ANKRD11: variants seen among roughly 807,000 people sequenced by gnomAD.
The protein encoded by ANKRD11 is ankyrin repeat domain 11.
In ANKRD11, 17 loss-of-function variants were observed where a neutral mutation model predicts 195.7. The observed-to-expected ratio is 0.09, with a 90% CI of 0.06 to 0.13. ANKRD11 has a LOEUF of 0.13. Among genes scored for constraint, ANKRD11 ranks in the 10% least tolerant of loss-of-function variants. ANKRD11 has a pLI of 1.00. For synonymous variants in ANKRD11, 1,953 were observed against 1,528.1 expected, an observed-to-expected ratio of 1.28 and a Z score of -6.49; for missense variants, 3,735 against 3,566.1, an observed-to-expected ratio of 1.05 and a Z score of -1.21.
intron 1 of ANKRD11, among the ~76,000 whole-genome samples, chr16:89,441,081 C>CA (rs2043438398): frequency 2.0e-5 from 3 of 151,602 alleles, no homozygotes; most frequent in Non-Finnish European, 2.9e-5. Flanking sequence ...ACTAAAAATA[C>CA]AAAAATTAGC....
chr16:89,401,796 G>A (rs1004530428), intron 2 of ANKRD11, among the ~76,000 whole-genome samples: 4 of 152,144 alleles, frequency 2.6e-5, no homozygotes, highest in Non-Finnish European at 4.4e-5. Context: ...CAGGGAGAAC[G>A]CTGGGTGAAG....
chr16:89,288,827 C>A, intron 6 of ANKRD11, 157 bp from the exon 7 acceptor site: 1 of 931,956 alleles, frequency 1.1e-6, no homozygotes, highest in Non-Finnish European at 1.7e-6. Flanking sequence ...AGGTGCTGGC[C>A]CAGAGAACCC....
chr16:89,332,103 C>G (rs907056713), intron 2 of ANKRD11, among the ~76,000 whole-genome samples: 5 of 151,710 alleles, frequency 3.3e-5, no homozygotes, highest in African/African-American at 1.2e-4. Context: ...GACTGGGCAA[C>G]ATGGCAAGAT....
intron 1 of ANKRD11, among the ~76,000 whole-genome samples, chr16:89,477,019 C>T (rs978870433): frequency 6.6e-6 from 1 of 152,136 alleles, no homozygotes; most frequent in Admixed American, 6.6e-5. Flanking sequence ...AAGACCACAC[C>T]GTGAGCATCT....
At chr16:89,455,309 T>G (rs1261250998) in intron 1 of ANKRD11, among the ~76,000 whole-genome samples, 1 of 151,770 alleles carries the variant, frequency 6.6e-6, no homozygotes, top group Non-Finnish European at 1.5e-5. Context: ...CTTCCCTGGG[T>G]GCTTCTAGGG....
intron 1 of ANKRD11, among the ~76,000 whole-genome samples, chr16:89,483,206 A>AT (rs1001938085): frequency 6.6e-6 from 1 of 152,190 alleles, no homozygotes; most frequent in African/African-American, 2.4e-5. Flanking sequence ...AAAGGCACAG[A>AT]TTAAGTTCTA....
intron 2 of ANKRD11, among the ~76,000 whole-genome samples, chr16:89,397,857 G>A (rs774753610): frequency 6.6e-6 from 1 of 152,218 alleles, no homozygotes; most frequent in Non-Finnish European, 1.5e-5. Context: ...CTCACCACCA[G>A]CACACAAACC....
At chr16:89,326,939 G>A (rs977072542) in intron 2 of ANKRD11, among the ~76,000 whole-genome samples, 13 of 152,262 alleles carry the variant, frequency 8.5e-5, no homozygotes, top group African/African-American at 2.6e-4. Context: ...ACGACCAGGC[G>A]GAGACGCAGA....
intron 4 of ANKRD11, among the ~76,000 whole-genome samples, chr16:89,296,742 G>A (rs1017600213): frequency 6.6e-6 from 1 of 152,228 alleles, no homozygotes; most frequent in Non-Finnish European, 1.5e-5. Context: ...CACTCTGGGA[G>A]CCGGAAGGCC....
At position 89,305,249 on chromosome 16, in the gene ANKRD11, G is replaced by A. The variant is rs746994983; in HGVS notation, c.183C>T (p.Pro61=). 6.2e-7 allele frequency: 1 copy of A among 1,613,878 alleles called. No homozygotes were observed. Among genetic ancestry groups the A allele is most frequent in the Non-Finnish European group, 8.5e-7 (1 of 1,179,898 alleles). ...VRERASKRKL[P]FTAGANGEQK... Reference sequence around the variant, plus strand: ...GCTCCCCATTGGCGCCCGCGGTGAAGGGCAGCTTCCGCTTGCTGGCTCGCT... The same window carrying A: ...GCTCCCCATTGGCGCCCGCGGTGAAAGGCAGCTTCCGCTTGCTGGCTCGCT... Residue 61 remains proline (P), a synonymous_variant, in exon 4 of 13, where the codon CCC becomes CCT. Coordinates refer to ENST00000301030, the MANE Select transcript of ANKRD11 (RefSeq NM_013275.6).
intron 2 of ANKRD11, among the ~76,000 whole-genome samples, chr16:89,384,777 A>G (rs966487335): frequency 6.6e-6 from 1 of 152,050 alleles, no homozygotes; most frequent in Non-Finnish European, 1.5e-5. Context: ...GCACCTACAG[A>G]AAAAGCAGGC....
intron 2 of ANKRD11, among the ~76,000 whole-genome samples, chr16:89,415,262 T>C (rs1006769511): frequency 3.0e-4 from 7 of 23,564 alleles, no homozygotes; most frequent in African/African-American, 1.2e-3. Context: ...CCAGCTATTC[T>C]TTTTTTTTTT....
Position 89,271,050 on chromosome 16 carries a change from T to A in ANKRD11, c.7714-141A>T, listed in dbSNP as rs187088535. On this transcript the variant is annotated intron_variant, in intron 11 of 12. Coordinates refer to ENST00000301030, the MANE Select transcript of ANKRD11 (RefSeq NM_013275.6). ...CTCATTCCACCGCGCACACACTGAA[T>A]CATGTTCAAGGCATGGCAGGCGCAC... 324 of 764,366 alleles carry A rather than the reference T, an allele frequency of 4.2e-4. No homozygotes were observed. The African/African-American group carries it at 5.2e-3, about 12-fold the overall frequency. The allele number at this position is 764,366 out of a possible 1,614,324, so 47.3% of individuals were successfully genotyped here.
chr16:89,374,338 A>T (rs1045774301), intron 2 of ANKRD11, among the ~76,000 whole-genome samples: 2 of 122,660 alleles, frequency 1.6e-5, no homozygotes, highest in African/African-American at 5.8e-5. Context: ...GTGTTTTTGT[A>T]AAAAAAATAA....
intron 1 of ANKRD11, among the ~76,000 whole-genome samples, chr16:89,426,596 A>G (rs1446245174): frequency 6.6e-6 from 1 of 152,042 alleles, no homozygotes; most frequent in East Asian, 1.9e-4. Context: ...ATGAAGACAT[A>G]AGACCAACCT....
chr16:89,282,530 C>T lies in ANKRD11; in HGVS notation c.4012G>A (p.Ala1338Thr), dbSNP rs753576509. The change falls in exon 9 of 13, where the codon GCC becomes ACC. Residue 1338 changes from alanine to threonine, a missense_variant. Ala to Thr is a moderately conservative substitution (Grantham distance 58). Coordinates refer to ENST00000301030, the MANE Select transcript of ANKRD11 (RefSeq NM_013275.6). The part of the protein sequence containing the change: ...PPGDDKPRES[A>T]CLPEKLKEKE... ...TCTTTCAGCTTCTCAGGGAGGCAGG[C>T]GCTCTCCCTCGGCTTGTCGTCTCCA... 22 of 1,613,902 alleles carry T rather than the reference C, an allele frequency of 1.4e-5. No homozygotes were observed. The South Asian group carries it at 1.8e-4, about 13-fold the overall frequency.
In ANKRD11 at chr16:89,279,977, CCGG is replaced by C. The variant is rs1206497446; in HGVS notation, c.6562_6564del (p.Pro2188del). On this transcript the variant is annotated inframe_deletion, in exon 9 of 13. Coordinates refer to ENST00000301030, the MANE Select transcript of ANKRD11 (RefSeq NM_013275.6). The surrounding 1 kb of genome is among the most constrained non-coding windows in gnomAD (Gnocchi z 5.6). The stretch of plus-strand genomic sequence containing the variant: ...GTGGAGGCCTGGTCAGGAGGCAGTG[CCGG>C]CGGCTCCTCAGCCACTACGGTGGAA... 1 of 1,610,786 alleles carries C rather than the reference CCGG, an allele frequency of 6.2e-7. No individual in the cohort carries two copies.
chr16:89,292,251 C>T (rs2035108818), intron 4 of ANKRD11, among the ~76,000 whole-genome samples: 1 of 152,188 alleles, frequency 6.6e-6, no homozygotes, highest in African/African-American at 2.4e-5. Flanking sequence ...CCCAAGAAGC[C>T]TCTCTTCAGG....
At chr16:89,478,438 C>G (rs1427461717) in intron 1 of ANKRD11, among the ~76,000 whole-genome samples, 1 of 152,012 alleles carries the variant, frequency 6.6e-6, no homozygotes, top group Non-Finnish European at 1.5e-5. Context: ...GCCTCCACAC[C>G]ACAACTGAAC....
Sources: allele counts gnomAD v4.1 joint callset (sites outside exome capture counted in the v4.1 genomes callset), GRCh38; gene constraint gnomAD v4.1.1; non-coding constraint Gnocchi (gnomAD v3.1); transcripts MANE v1.5; gene names NCBI Gene and HGNC (gene_info 2026-07-23, HGNC 2026-07-21).